The following ENTREP2 variants were observed in gnomAD, a reference collection of about 807,000 sequenced individuals.
ENTREP2 encodes the protein protein ENTREP2.
the ENTREP2 span, among the ~76,000 whole-genome samples, chr15:29,538,638 C>CAAAAAAAA: frequency 6.3e-3 from 496 of 78,842 alleles, no homozygotes; most frequent in African/African-American, 0.014. Context: ...ACTAAAAATA[C>CAAAAAAAA]AAAAAAAAAA....
At chr15:29,478,006 TATA>T in the ENTREP2 span, among the ~76,000 whole-genome samples, 42 of 76,960 alleles carry the variant, frequency 5.5e-4, no homozygotes, top group African/African-American at 1.5e-3. Flanking sequence ...TATATATATA[TATA>T]TATATATATA....
chr15:29,437,048 T>C, the ENTREP2 span, among the ~76,000 whole-genome samples: 1 of 152,252 alleles, frequency 6.6e-6, no homozygotes, highest in Admixed American at 6.5e-5. Context: ...TTAAATTGTC[T>C]TTTAGACGTT....
the ENTREP2 span, among the ~76,000 whole-genome samples, chr15:29,565,592 C>A: frequency 1.3e-5 from 2 of 152,154 alleles, no homozygotes; most frequent in Admixed American, 1.3e-4. Context: ...ATTCGTTATA[C>A]ATTAAATTTT....
chr15:29,494,750 T>C, the ENTREP2 span, among the ~76,000 whole-genome samples: 1 of 152,282 alleles, frequency 6.6e-6, no homozygotes, highest in East Asian at 1.9e-4. Flanking sequence ...AGTGAGACCA[T>C]GTGGTATTTA....
At chr15:29,646,431 T>C in the ENTREP2 span, among the ~76,000 whole-genome samples, 1 of 152,184 alleles carries the variant, frequency 6.6e-6, no homozygotes, top group Non-Finnish European at 1.5e-5. Flanking sequence ...TTTCTGGTTG[T>C]CAGCTAGGGG....
chr15:29,359,337 G>A, the ENTREP2 span, among the ~76,000 whole-genome samples: 1 of 152,128 alleles, frequency 6.6e-6, no homozygotes, highest in Non-Finnish European at 1.5e-5. Context: ...TTTTGGTGAG[G>A]ATATCACACG....
the ENTREP2 span, among the ~76,000 whole-genome samples, chr15:29,384,402 C>T: frequency 3.3e-5 from 5 of 152,164 alleles, no homozygotes; most frequent in Admixed American, 6.5e-5. Context: ...TCTGCCGGCA[C>T]GCTCCTGTTT....
the ENTREP2 span, among the ~76,000 whole-genome samples, chr15:29,487,759 C>T: frequency 6.6e-6 from 1 of 152,226 alleles, no homozygotes; most frequent in Non-Finnish European, 1.5e-5. Context: ...GTGGCTCGAT[C>T]TCAGCTCACT....
the ENTREP2 span, among the ~76,000 whole-genome samples, chr15:29,503,652 A>G: frequency 3.9e-5 from 6 of 152,244 alleles, no homozygotes; most frequent in Non-Finnish European, 8.8e-5. Context: ...TCAGCCAGCT[A>G]TGCTAGAGCA....
chr15:29,374,019 T>C, the ENTREP2 span: 1 of 152,070 alleles, frequency 6.6e-6, no homozygotes, highest in Non-Finnish European at 1.5e-5. Flanking sequence ...CAAAATATAA[T>C]TGTCTATCTC....
the ENTREP2 span, among the ~76,000 whole-genome samples, chr15:29,666,807 G>T: frequency 6.6e-6 from 1 of 152,178 alleles, no homozygotes; most frequent in Non-Finnish European, 1.5e-5. Context: ...ATAAACAATA[G>T]AAATGTAGTC....
chr15:29,640,454 T>C, the ENTREP2 span, among the ~76,000 whole-genome samples: 1 of 152,024 alleles, frequency 6.6e-6, no homozygotes, highest in Non-Finnish European at 1.5e-5. Context: ...GCTCAGAAGT[T>C]TGAGACTAGC....
At chr15:29,490,523 T>C in the ENTREP2 span, among the ~76,000 whole-genome samples, 2 of 152,178 alleles carry the variant, frequency 1.3e-5, no homozygotes, top group African/African-American at 4.8e-5. Context: ...AGAGAGCTGA[T>C]TGGTCCGTTT....
the ENTREP2 span, among the ~76,000 whole-genome samples, chr15:29,464,590 C>G: frequency 6.6e-6 from 1 of 152,174 alleles, no homozygotes; most frequent in Non-Finnish European, 1.5e-5. Flanking sequence ...CCAAATGCAT[C>G]TTGATTTCTC....
At chr15:29,253,867 A>G in the ENTREP2 span, among the ~76,000 whole-genome samples, 1 of 152,152 alleles carries the variant, frequency 6.6e-6, no homozygotes, top group Non-Finnish European at 1.5e-5. Flanking sequence ...AAGAATACAT[A>G]TAGAGACACA....
At chr15:29,444,073 C>T in the ENTREP2 span, among the ~76,000 whole-genome samples, 2 of 151,740 alleles carry the variant, frequency 1.3e-5, no homozygotes, top group East Asian at 1.9e-4. Context: ...CACTGCACTC[C>T]GCCTGGGCGA....
the ENTREP2 span, among the ~76,000 whole-genome samples, chr15:29,432,408 C>G: frequency 0.035 from 5,386 of 152,250 alleles, 338 homozygotes; most frequent in African/African-American, 0.12. Context: ...ATCACGGATG[C>G]CTCGTCACCA....
At chr15:29,639,283 T>G in the ENTREP2 span, among the ~76,000 whole-genome samples, 1 of 152,180 alleles carries the variant, frequency 6.6e-6, no homozygotes, top group Non-Finnish European at 1.5e-5. Context: ...CTTGACTCAA[T>G]CTGAAAGTCT....
At chr15:29,198,338 G>A in the ENTREP2 span, among the ~76,000 whole-genome samples, 1 of 152,182 alleles carries the variant, frequency 6.6e-6, no homozygotes, top group South Asian at 2.1e-4. Flanking sequence ...GAGCACCCCT[G>A]CAGAACTGTT....
Sources: gnomAD v4.1 joint callset for allele counts (sites outside exome capture counted in the v4.1 genomes callset) on GRCh38, gnomAD v4.1.1 for gene constraint, MANE v1.5 for transcripts, NCBI Gene and HGNC (gene_info 2026-07-23, HGNC 2026-07-21) for gene names.